The following EIF2AK3 variants were observed in gnomAD, a reference collection of about 807,000 sequenced individuals.
The protein encoded by EIF2AK3 is eukaryotic translation initiation factor 2-alpha kinase 3.
Under a neutral mutation model 113.5 loss-of-function variants are expected in EIF2AK3, and 50 were observed. The observed-to-expected ratio is 0.44, with a 90% confidence interval of 0.35 to 0.56. The LOEUF (loss-of-function observed/expected upper bound fraction) is 0.56, where lower values mean the gene tolerates loss of function less well. Ranked by LOEUF, EIF2AK3 falls within the 20% of genes least tolerant of loss-of-function variation. The pLI is 0.00. For missense variants in EIF2AK3, 1,185 were observed against 1,378.0 expected, an observed-to-expected ratio of 0.86 and a Z score of 2.22; for synonymous variants, 448 against 495.4, an observed-to-expected ratio of 0.90 and a Z score of 1.27.
intron 13 of EIF2AK3, among the ~76,000 whole-genome samples, chr2:88,574,242 G>A (rs887254749): frequency 6.6e-6 from 1 of 152,164 alleles, no homozygotes; most frequent in South Asian, 2.1e-4. Flanking sequence ...CCTTCCATTC[G>A]GATCCCTTTC....
intron 13 of EIF2AK3, among the ~76,000 whole-genome samples, chr2:88,573,288 G>C (rs1674364927): frequency 6.6e-6 from 1 of 152,112 alleles, no homozygotes; most frequent in African/African-American, 2.4e-5. Context: ...CAACATTGTA[G>C]CATTAAATGG....
intron 2 of EIF2AK3, among the ~76,000 whole-genome samples, chr2:88,606,705 A>G (rs1251710442): frequency 6.6e-6 from 1 of 152,218 alleles, no homozygotes; most frequent in Non-Finnish European, 1.5e-5. Context: ...GACTCTTTCT[A>G]AACAAATCAG....
chr2:88,621,651 C>G (rs1370864782), intron 1 of EIF2AK3, among the ~76,000 whole-genome samples: 2 of 152,082 alleles, frequency 1.3e-5, no homozygotes, highest in African/African-American at 2.4e-5. Context: ...TGGTCCTCAC[C>G]TACTAAGTAA....
chr2:88,561,293 A>T (rs1365148683), intron 15 of EIF2AK3, among the ~76,000 whole-genome samples: 45 of 130,486 alleles, frequency 3.4e-4, no homozygotes, highest in African/African-American at 1.2e-3. Flanking sequence ...ACAGAGTCTC[A>T]CTCTGTCACC....
chr2:88,623,268 T>C (rs899339852), intron 1 of EIF2AK3, among the ~76,000 whole-genome samples: 2 of 152,206 alleles, frequency 1.3e-5, no homozygotes, highest in Non-Finnish European at 2.9e-5. Flanking sequence ...CCCAACTTTC[T>C]GCAATGACCA....
At chr2:88,599,168 G>T (rs1675092060) in intron 2 of EIF2AK3, among the ~76,000 whole-genome samples, 1 of 152,006 alleles carries the variant, frequency 6.6e-6, no homozygotes, top group African/African-American at 2.4e-5. Context: ...ATTAAATGAA[G>T]GTTTACCATA....
chr2:88,607,415 G>A (rs773310531), intron 2 of EIF2AK3, among the ~76,000 whole-genome samples: 1 of 152,314 alleles, frequency 6.6e-6, no homozygotes, highest in African/African-American at 2.4e-5. Context: ...ATCTGTTAAA[G>A]CTAATAGAGT....
intron 1 of EIF2AK3, among the ~76,000 whole-genome samples, chr2:88,616,504 G>C (rs574042469): frequency 6.6e-6 from 1 of 152,264 alleles, no homozygotes; most frequent in African/African-American, 2.4e-5. Context: ...TCGGCTCACT[G>C]CAACCTCCGC....
At chr2:88,578,848 C>T (rs902259948) in intron 11 of EIF2AK3, among the ~76,000 whole-genome samples, 4 of 152,028 alleles carry the variant, frequency 2.6e-5, no homozygotes, top group Admixed American at 2.0e-4. Flanking sequence ...AAGATGAATA[C>T]TGCAAAGGTT....
intron 2 of EIF2AK3, among the ~76,000 whole-genome samples, chr2:88,611,179 G>T (rs1252823354): frequency 6.6e-6 from 1 of 152,200 alleles, no homozygotes; most frequent in Non-Finnish European, 1.5e-5. Flanking sequence ...AGAGCAGGCA[G>T]AATGGAGTAC....
At chr2:88,605,857 T>C (rs1441010134) in intron 2 of EIF2AK3, among the ~76,000 whole-genome samples, 1 of 151,964 alleles carries the variant, frequency 6.6e-6, no homozygotes, top group Non-Finnish European at 1.5e-5. Flanking sequence ...AGGAAGACTG[T>C]TTGATAAAAG....
At chr2:88,574,540 G>A in intron 13 of EIF2AK3, 126 bp downstream of exon 13, 1 of 1,230,464 alleles carries the variant, frequency 8.1e-7, no homozygotes, top group Non-Finnish European at 1.1e-6. Flanking sequence ...TACTTTCTCA[G>A]ACCTCTGCTC....
intron 15 of EIF2AK3, among the ~76,000 whole-genome samples, chr2:88,560,444 G>A (rs1673918665): frequency 6.6e-6 from 1 of 151,970 alleles, no homozygotes; most frequent in Non-Finnish European, 1.5e-5. Flanking sequence ...TTAGAGATAG[G>A]GTCTCATGGT....
chr2:88,609,945 CAAAAAAAAAAAAAAA>C lies in EIF2AK3; in HGVS notation c.438+3764_438+3778del, dbSNP rs71378880. On this transcript the variant is annotated intron_variant, in intron 2 of 16. Transcript: ENST00000303236. The stretch of plus-strand genomic sequence containing the variant: ...GCAAAATAAGAAAACTCCATCTCTA[CAAAAAAAAAAAAAAA>C]AAAAAAAAAAAGGTAGCTGAGCTTG... 1.5e-4 allele frequency among the ~76,000 whole-genome samples: 6 copies of C among 38,800 alleles called. 1 individual carries two copies. Among genetic ancestry groups the C allele is most frequent in the Non-Finnish European group, 1.9e-4 (4 of 20,662 alleles). The allele number at this position is 38,800 out of a possible 152,430, so 25.5% of individuals were successfully genotyped here.
intron 14 of EIF2AK3, among the ~76,000 whole-genome samples, chr2:88,563,861 G>A (rs567640280): frequency 6.6e-6 from 1 of 152,066 alleles, no homozygotes; most frequent in African/African-American, 2.4e-5. Flanking sequence ...CACACACACA[G>A]AGAGAGAAAA....
chr2:88,622,964 G>T (rs1207085400), intron 1 of EIF2AK3, among the ~76,000 whole-genome samples: 2 of 152,136 alleles, frequency 1.3e-5, no homozygotes, highest in Non-Finnish European at 2.9e-5. Context: ...AAATCAGTTT[G>T]CAGATGCACA....
intron 16 of EIF2AK3, 134 bp downstream of exon 16, chr2:88,558,783 G>A: frequency 1.5e-6 from 1 of 681,462 alleles, no homozygotes; most frequent in South Asian, 2.0e-5. Context: ...CTGGGCTCTT[G>A]GGAGCAGGTC....
intron 11 of EIF2AK3, among the ~76,000 whole-genome samples, chr2:88,578,526 T>A (rs973598321): frequency 2.0e-5 from 3 of 151,886 alleles, no homozygotes; most frequent in Admixed American, 2.0e-4. Flanking sequence ...CTACTAAAAA[T>A]ACAAAATTAG....
At chr2:88,591,164 C>G in intron 4 of EIF2AK3, 112 bp from the exon 5 acceptor site, 1 of 976,900 alleles carries the variant, frequency 1.0e-6, no homozygotes, top group Non-Finnish European at 1.6e-6. Context: ...GATGAGAAAA[C>G]TAACAACATA....
Sources: gnomAD v4.1 joint callset for allele counts (sites outside exome capture counted in the v4.1 genomes callset) on GRCh38, gnomAD v4.1.1 for gene constraint, MANE v1.5 for transcripts, NCBI Gene and HGNC (gene_info 2026-07-23, HGNC 2026-07-21) for gene names.